Variants in TPI1 observed in about 807,000 individuals in gnomAD.
TPI1 encodes the protein triosephosphate isomerase 1, also known as triosephosphate isomerase.
TPI1 carries 11 observed loss-of-function variants against 31.0 expected under a neutral mutation model. The ratio of observed to expected loss-of-function variants is 0.36; its 90% CI spans 0.22 to 0.59. The LOEUF (loss-of-function observed/expected upper bound fraction) is 0.59, where lower values mean the gene tolerates loss of function less well. TPI1 is among the 20% of genes least tolerant of loss of function. TPI1 has a pLI of 0.79. For synonymous variants in TPI1, 121 were observed against 122.8 expected, an observed-to-expected ratio of 0.99 and a Z score of 0.10; for missense variants, 245 against 319.7, an observed-to-expected ratio of 0.77 and a Z score of 1.78.
chr12:6,867,608 G>A lies in TPI1; in HGVS notation c.42G>A (p.Lys14=), dbSNP rs781952795. 2.5e-6 allele frequency: 4 copies of A among 1,613,014 alleles called. No individual in the cohort carries two copies. The highest frequency in any genetic ancestry group is 1.7e-5 in the Admixed American group (1 of 59,980). The change falls in exon 1 of 7, where the codon AAG becomes AAA. Residue 14 remains lysine (K), a synonymous_variant. Transcript: ENST00000396705. ...AGTTCTTCGTTGGGGGAAACTGGAAGATGAACGGGCGGAAGCAGAGTCTGG... is the reference window on the plus strand; with the variant it reads ...AGTTCTTCGTTGGGGGAAACTGGAAAATGAACGGGCGGAAGCAGAGTCTGG... ...SRKFFVGGNW[K]MNGRKQSLGE...
upstream of TPI1, chr12:6,867,509 T>G: frequency 1.3e-6 from 2 of 1,583,924 alleles, no homozygotes; most frequent in South Asian, 2.3e-5. Flanking sequence ...TCTATATAAG[T>G]GGGCAGTGGC....
intron 5 of TPI1, 73 bp downstream of exon 5, chr12:6,869,846 G>T: frequency 6.5e-7 from 1 of 1,545,336 alleles, no homozygotes; most frequent in Non-Finnish European, 8.9e-7. Flanking sequence ...GCCCACATGG[G>T]GCAACCCCTT....
upstream of TPI1, chr12:6,867,510 G>C (rs1470069979): frequency 1.9e-6 from 3 of 1,584,462 alleles, no homozygotes; most frequent in Non-Finnish European, 2.6e-6. Context: ...CTATATAAGT[G>C]GGCAGTGGCC....
In TPI1 at chr12:6,869,726, G is replaced by A. The variant is rs1555132378; in HGVS notation, c.496G>A (p.Glu166Lys). 1 of 1,614,244 alleles carries A rather than the reference G, an allele frequency of 6.2e-7. No homozygotes were observed. The highest frequency in any genetic ancestry group is 8.5e-7 in the Non-Finnish European group (1 of 1,180,044). ...CTGGAGCAAGGTCGTCCTGGCCTAT[G>A]AGCCTGTGTGGGCCATTGGTACTGG... ...KDWSKVVLAYEPVWAIGTGKT... is the reference protein window; with the variant it reads ...KDWSKVVLAYKPVWAIGTGKT... Residue 166 changes from glutamate to lysine, a missense_variant, in exon 5 of 7, where the codon GAG (glutamate) becomes AAG (lysine). Transcript: ENST00000396705.
chr12:6,868,722 C>T (rs1459337231), intron 1 of TPI1, 142 bp from the exon 2 acceptor site: 3 of 1,432,496 alleles, frequency 2.1e-6, no homozygotes, highest in Non-Finnish European at 1.9e-6. Flanking sequence ...GGACAAAGGT[C>T]ATCTTGCTGG....
chr12:6,867,478 C>T, upstream of TPI1: 2 of 1,534,196 alleles, frequency 1.3e-6, no homozygotes, highest in Non-Finnish European at 1.8e-6. Flanking sequence ...GGCGAGGAGG[C>T]GGAGTTCCAC....
Position 6,870,880 on chromosome 12 carries a change from G to C in TPI1, c.*497G>C, listed in dbSNP as rs1377374188. On this transcript the variant is annotated 3_prime_UTR_variant, in exon 7 of 7. Transcript: ENST00000396705. ...ACTTGCCCAGATAATCTTCCTTTTTGAGGCAGCTATATAAATGATCATTTG... is the reference window on the plus strand; with the variant it reads ...ACTTGCCCAGATAATCTTCCTTTTTCAGGCAGCTATATAAATGATCATTTG... 5 of 585,820 alleles carry C rather than the reference G, an allele frequency of 8.5e-6. No homozygotes were observed. Among genetic ancestry groups the C allele is most frequent in the Non-Finnish European group, 1.6e-5 (5 of 313,806 alleles). The allele number at this position is 585,820 out of a possible 1,614,324, so 36.3% of individuals were successfully genotyped here.
At chr12:6,867,488 C>A, upstream of TPI1, 1 of 1,546,238 alleles carries the variant, frequency 6.5e-7, no homozygotes, top group Non-Finnish European at 8.7e-7. Flanking sequence ...CGGAGTTCCA[C>A]TTCGCGGCGC....
At chr12:6,867,505 T>G (rs1800202), upstream of TPI1, 4,733 of 1,579,330 alleles carry the variant, frequency 3.0e-3, 13 homozygotes, top group Middle Eastern at 0.014. Flanking sequence ...GCGCTCTATA[T>G]AAGTGGGCAG....
chr12:6,869,821 G>A, intron 5 of TPI1, 48 bp downstream of exon 5: 1 of 1,602,838 alleles, frequency 6.2e-7, no homozygotes, highest in South Asian at 1.1e-5. Context: ...GCCTCAATAG[G>A]TTTGGACAGA....
At chr12:6,868,182 T>G in intron 1 of TPI1, 2 of 1,287,934 alleles carry the variant, frequency 1.6e-6, no homozygotes, top group Non-Finnish European at 2.0e-6. Context: ...ACCCCTTCCC[T>G]TCGGCAACCT....
At chr12:6,868,353 CTCCTCCA>C in intron 1 of TPI1, 1 of 1,287,874 alleles carries the variant, frequency 7.8e-7, no homozygotes, top group Non-Finnish European at 1.0e-6. Flanking sequence ...AAAGGATGCT[CTCCTCCA>C]TCCTCCTTCC....
rs2138093525 is a variant in TPI1 at position 6,869,683 on chromosome 12, T to C, written c.458-5T>C. On this transcript the variant is annotated splice_polypyrimidine_tract_variant and splice_region_variant and intron_variant, in intron 4 of 6. Transcript: ENST00000396705. ...CTTCCCTCCATCTGTATCTCTGCCC[T>C]GCAGATAACGTGAAGGACTGGAGCA... The C allele has an allele frequency of 6.2e-7, 1 of 1,614,178 alleles. No homozygotes were observed. Among genetic ancestry groups the C allele is most frequent in the Non-Finnish European group, 8.5e-7 (1 of 1,180,004 alleles).
At chr12:6,869,205 T>C (rs935297651) in intron 3 of TPI1, 22 bp downstream of exon 3, 1 of 1,614,066 alleles carries the variant, frequency 6.2e-7, no homozygotes, top group Non-Finnish European at 8.5e-7. Context: ...AGAGAGAAGA[T>C]AAGGGATGTC....
At chr12:6,867,519 C>CG, upstream of TPI1, 1 of 1,593,772 alleles carries the variant, frequency 6.3e-7, no homozygotes, top group South Asian at 1.1e-5. Flanking sequence ...TGGGCAGTGG[C>CG]CGCGACTGCG....
chr12:6,867,777 G>T (rs1256553241), intron 1 of TPI1, 96 bp downstream of exon 1: 15 of 1,305,772 alleles, frequency 1.1e-5, no homozygotes, highest in Non-Finnish European at 1.5e-5. Context: ...CCCCGAGGCC[G>T]GTATCCGCGC....
In TPI1 at chr12:6,867,678, A is replaced by G. The variant is rs782449465; in HGVS notation, c.112A>G (p.Thr38Ala). The G allele has an allele frequency of 8.1e-6, 13 of 1,606,234 alleles. No individual in the cohort carries two copies. In the African/African-American group the frequency reaches 1.8e-4, roughly 22 times the overall value. Residue 38 changes from threonine (T) to alanine (A), a missense_variant, in exon 1 of 7, where the codon ACC becomes GCC. Thr to Ala is a moderately conservative substitution (Grantham distance 58). Around this residue, in one of 3 missense-constraint regions of TPI1, gnomAD observed 95 missense variants for 96.4 expected, o/e 0.99. Coordinates refer to ENST00000396705, the MANE Select transcript of TPI1 (RefSeq NM_000365.6). The part of the protein sequence containing the change: ...TLNAAKVPAD[T>A]EVVCAPPTAY... ...GAACGCGGCCAAGGTGCCGGCCGAC[A>G]CCGGTAAGCCCTCGCCGAGGAGGGG... is the stretch of plus-strand genomic sequence containing the variant.
chr12:6,868,047 C>A, intron 1 of TPI1: 1 of 1,227,070 alleles, frequency 8.1e-7, no homozygotes, highest in Non-Finnish European at 1.0e-6. Flanking sequence ...GCGTGGGCTT[C>A]CCGCTCCCTG....
chr12:6,870,579 T>G lies in TPI1; in HGVS notation c.*196T>G. Reference sequence around the variant, plus strand: ...GGGACCAGGCCAATCCCTTCTCCACTTACTATAATGGTTGGAACTAAACGT... The same window carrying G: ...GGGACCAGGCCAATCCCTTCTCCACGTACTATAATGGTTGGAACTAAACGT... On this transcript the variant is annotated 3_prime_UTR_variant, in exon 7 of 7. Transcript: ENST00000396705. 1.3e-6 allele frequency: 1 copy of G among 750,662 alleles called. No homozygotes were observed. The highest frequency in any genetic ancestry group is 2.5e-6 in the Non-Finnish European group (1 of 405,304). 46.5% of individuals were successfully genotyped at this position (750,662 alleles called of 1,614,324 possible).
Sources: gnomAD v4.1 joint callset for allele counts on GRCh38, gnomAD v4.1.1 for gene constraint, gnomAD v4.1.1 regional missense constraint, MANE v1.5 for transcripts, NCBI Gene and HGNC (gene_info 2026-07-23, HGNC 2026-07-21) for gene names.